ZMAT1: variants seen among roughly 807,000 people sequenced by gnomAD.
ZMAT1 encodes the protein zinc finger matrin-type protein 1.
In ZMAT1, 11 loss-of-function variants were observed where a neutral mutation model predicts 18.5. That is an observed-to-expected ratio of 0.59 (90% CI 0.37 to 0.98). ZMAT1 has a LOEUF of 0.98. ZMAT1 is among the 50% of genes least tolerant of loss of function. The pLI is 0.01. For synonymous variants in ZMAT1, 211 were observed against 176.4 expected (o/e 1.20, Z -1.55); for missense variants, 525 against 496.2 (o/e 1.06, Z -0.55).
intron 1 of ZMAT1, among the ~76,000 whole-genome samples, chrX:101,916,549 T>C (rs1929347524): frequency 9.0e-6 from 1 of 111,446 alleles, no homozygotes; most frequent in East Asian, 2.8e-4. Flanking sequence ...CACCAAAAAA[T>C]AGAAAAATAT....
At chrX:101,923,128 CTT>C (rs1358865584) in intron 1 of ZMAT1, among the ~76,000 whole-genome samples, 1 of 112,138 alleles carries the variant, frequency 8.9e-6, no homozygotes, top group Non-Finnish European at 1.9e-5. Flanking sequence ...ATCTTCCTCT[CTT>C]CTCTTCTTTA....
intron 1 of ZMAT1, among the ~76,000 whole-genome samples, chrX:101,928,889 A>C (rs1174237833): frequency 8.9e-6 from 1 of 111,865 alleles, no homozygotes; most frequent in Non-Finnish European, 1.9e-5. Flanking sequence ...TCAGAACATT[A>C]TTCCTGGGTG....
intron 1 of ZMAT1, among the ~76,000 whole-genome samples, chrX:101,905,927 C>T (rs1470784206): frequency 1.9e-5 from 2 of 107,976 alleles, no homozygotes; most frequent in Non-Finnish European, 3.8e-5. Flanking sequence ...GAGATTATAT[C>T]AGCACCTGGG....
Position 101,931,796 on chromosome X carries a change from G to A in ZMAT1, c.213C>T (p.Gly71=), listed in dbSNP as rs1462022978. 1 of 772,412 alleles carries A rather than the reference G, an allele frequency of 1.3e-6. No individual in the cohort carries two copies. The highest frequency in any genetic ancestry group is 1.5e-6 in the Non-Finnish European group (1 of 651,203). 63.7% of individuals were successfully genotyped at this position (772,412 alleles called of 1,213,427 possible). ...AGGCGDGGGG[G]FGGSTMAAAG... ...CCGCCGCCATAGTGGAGCCGCCAAA[G>A]CCGCCGCCGCCGCCGTCGCCACAGC... The change falls in exon 1 of 6, where the codon GGC becomes GGT. Residue 71 remains glycine, a synonymous_variant. Coordinates refer to ENST00000651725, the MANE Select transcript of ZMAT1 (RefSeq NM_001394560.1).
intron 4 of ZMAT1, chrX:101,887,085 G>A (rs1927017117): frequency 7.3e-6 from 2 of 274,741 alleles, no homozygotes; most frequent in Non-Finnish European, 5.1e-6. Context: ...CTTTGCCTCT[G>A]AATCTCTTAA....
rs372093167 is a variant in ZMAT1, at chrX:101,918,869, C to CT, written c.292+12847dup. ...ACACTCAAGTTCATAAATATCAATG[C>CT]TTTTTTTTTTAAACACACCCTTTCA... On this transcript the variant is annotated intron_variant, in intron 1 of 5. Transcript: ENST00000651725. Among the ~76,000 whole-genome samples the CT allele has an allele frequency of 3.1e-3, 328 of 105,743 alleles. 3 individuals carry two copies. Among genetic ancestry groups the CT allele is most frequent in the Middle Eastern group, 0.019 (4 of 211 alleles). The allele number at this position is 105,743 out of a possible 115,157, so 91.8% of individuals were successfully genotyped here.
intron 1 of ZMAT1, among the ~76,000 whole-genome samples, chrX:101,929,922 G>A (rs1028303709): frequency 3.6e-5 from 4 of 110,987 alleles, no homozygotes; most frequent in African/African-American, 1.3e-4. Flanking sequence ...AACCCAAATC[G>A]AGAGGGCATG....
Position 101,884,583 on chromosome X carries a change from C to T in ZMAT1, c.1015G>A (p.Ala339Thr), listed in dbSNP as rs774455122. The change falls in exon 6 of 6, where the codon GCA becomes ACA. Residue 339 changes from alanine to threonine, a missense_variant. Coordinates refer to ENST00000651725, the MANE Select transcript of ZMAT1 (RefSeq NM_001394560.1). ...LPFETFRTYA[A>T]PYNISQAMEK... ...ATTGCTTGTGAAATATTGTATGGTGCTGCGTATGTCCGGAAAGTCTCAAAT... is the reference window on the plus strand; with the variant it reads ...ATTGCTTGTGAAATATTGTATGGTGTTGCGTATGTCCGGAAAGTCTCAAAT... 4.5e-5 allele frequency: 55 copies of T among 1,208,966 alleles called. No homozygotes were observed. The South Asian group carries it at 5.1e-4, about 11-fold the overall frequency.
chrX:101,885,087 C>T (rs1926839008), intron 5 of ZMAT1, among the ~76,000 whole-genome samples: 1 of 110,624 alleles, frequency 9.0e-6, no homozygotes, highest in East Asian at 2.9e-4. Flanking sequence ...TGATATATCT[C>T]CTAGGCACCT....
chrX:101,931,901 C>T lies in ZMAT1; in HGVS notation c.108G>A (p.Ala36=). The T allele has an allele frequency of 3.8e-6, 3 of 797,393 alleles. No homozygotes were observed. Among genetic ancestry groups the T allele is most frequent in the Non-Finnish European group, 3.0e-6 (2 of 669,922 alleles). The allele number at this position is 797,393 out of a possible 1,213,427, so 65.7% of individuals were successfully genotyped here. The part of the protein sequence containing the change: ...SSSSYTACAA[A]AAAAAAAAVI... ...CTGCCGCCGCCGCCGCCGCCGCCGC[C>T]GCTGCCGCGCAGGCGGTGTAGGAGG... Residue 36 remains alanine, a synonymous_variant, in exon 1 of 6, where the codon GCG becomes GCA. Coordinates refer to ENST00000651725, the MANE Select transcript of ZMAT1 (RefSeq NM_001394560.1).
intron 2 of ZMAT1, among the ~76,000 whole-genome samples, chrX:101,899,807 T>C (rs756648665): frequency 8.9e-6 from 1 of 112,242 alleles, no homozygotes; most frequent in African/African-American, 3.2e-5. Context: ...TCTTTTTCTC[T>C]GGGTAGATAG....
chrX:101,882,731 A>AT lies in ZMAT1; in HGVS notation c.*778dup, dbSNP rs959463306. ...TGAGATATGTGAGAAACATTTAATAATTTTTTTTCTTTTTTAAGAAAATGA... is the reference window on the plus strand; with the variant it reads ...TGAGATATGTGAGAAACATTTAATAATTTTTTTTTCTTTTTTAAGAAAATGA... On this transcript the variant is annotated 3_prime_UTR_variant, in exon 6 of 6. Transcript: ENST00000651725. 15 of 111,380 alleles carry AT rather than the reference A, an allele frequency of 1.3e-4. No homozygotes were observed. Among genetic ancestry groups the AT allele is most frequent in the Admixed American group, 1.0e-3 (11 of 10,501 alleles). 9.2% of individuals were successfully genotyped at this position (111,380 alleles called of 1,213,427 possible).
rs764817398 is a variant in ZMAT1, at chrX:101,898,064, T to C, written c.502-22A>G. Reference sequence around the variant, plus strand: ...GCACCTGAAATAGGCACAATCTTGTTAGAAAGATTCAATAACTCAAAGTTT... The same window carrying C: ...GCACCTGAAATAGGCACAATCTTGTCAGAAAGATTCAATAACTCAAAGTTT... On this transcript the variant is annotated intron_variant, in intron 3 of 5. Transcript: ENST00000651725. 6 of 1,210,110 alleles carry C rather than the reference T, an allele frequency of 5.0e-6. No individual in the cohort carries two copies. The South Asian group carries it at 1.1e-4, about 21-fold the overall frequency.
chrX:101,896,541 A>T (rs1927820637), intron 4 of ZMAT1, among the ~76,000 whole-genome samples: 1 of 112,548 alleles, frequency 8.9e-6, no homozygotes, highest in South Asian at 3.6e-4. Context: ...TTATTAAGAA[A>T]ATAAAAGTTT....
intron 4 of ZMAT1, chrX:101,887,973 T>C (rs1476325002): frequency 9.0e-6 from 1 of 111,265 alleles, no homozygotes; most frequent in Non-Finnish European, 1.9e-5. Context: ...AGAATGACAA[T>C]ACAATAACTT....
intron 4 of ZMAT1, 136 bp from the exon 5 acceptor site, chrX:101,886,867 CA>C: frequency 2.2e-6 from 1 of 460,776 alleles, no homozygotes. Flanking sequence ...CCAGAGAGGT[CA>C]AATGACTTGG....
chrX:101,895,138 C>A lies in ZMAT1; in HGVS notation c.676+2730G>T, dbSNP rs182612237. 2.8e-3 allele frequency among the ~76,000 whole-genome samples: 308 copies of A among 111,550 alleles called. 3 individuals carry two copies. The highest frequency in any genetic ancestry group is 9.4e-3 in the African/African-American group (288 of 30,739). Reference sequence around the variant, plus strand: ...CCAAAAATATGTACACAAAAATGCGCCTGTCGGCTCTTGCAATGAAGTATT... The same window carrying A: ...CCAAAAATATGTACACAAAAATGCGACTGTCGGCTCTTGCAATGAAGTATT... On this transcript the variant is annotated intron_variant, in intron 4 of 5. Transcript: ENST00000651725.
rs754936055 is a variant in ZMAT1, at chrX:101,886,691, A to G, written c.717T>C (p.Ile239=). 1 of 1,204,671 alleles carries G rather than the reference A, an allele frequency of 8.3e-7. No individual in the cohort carries two copies. Among genetic ancestry groups the G allele is most frequent in the South Asian group, 1.8e-5 (1 of 55,869 alleles). The part of the protein sequence containing the change: ...MRTYVCHICS[I]AFTSLDMFRS... ...GGAACATATCTAAAGATGTAAAAGC[A>G]ATACTACAAATATGGCAAACATAGG... Residue 239 remains isoleucine, a synonymous_variant, in exon 5 of 6, where the codon ATT becomes ATC. Transcript: ENST00000651725.
At chrX:101,918,483 C>CACAAAAAA (rs758997318) in intron 1 of ZMAT1, 42 of 98,473 alleles carry the variant, frequency 4.3e-4, no homozygotes, top group African/African-American at 1.6e-3. Flanking sequence ...CACACACACA[C>CACAAAAAA]AAAAATTAGC....
Sources: gnomAD v4.1 joint callset for allele counts (sites outside exome capture counted in the v4.1 genomes callset) on GRCh38, gnomAD v4.1.1 for gene constraint, MANE v1.5 for transcripts, NCBI Gene and HGNC (gene_info 2026-07-23, HGNC 2026-07-21) for gene names.